Variants in NKAIN2 observed in about 807,000 individuals in gnomAD.
The protein encoded by NKAIN2 is sodium/potassium-transporting ATPase subunit beta-1-interacting protein 2.
A neutral mutation model predicts 32.6 loss-of-function variants in NKAIN2; 14 were observed. The ratio of observed to expected loss-of-function variants is 0.43; its 90% CI spans 0.28 to 0.67. The LOEUF is 0.67. NKAIN2 is among the 30% of genes least tolerant of loss of function. The probability of loss-of-function intolerance (pLI) is 0.17; values close to 1 mark genes in which losing one functional copy is unlikely to be tolerated. For synonymous variants in NKAIN2, 80 were observed against 87.2 expected (o/e 0.92, Z 0.46); for missense variants, 198 against 258.3 (o/e 0.77, Z 1.60).
chr6:123,934,485 G>A (rs1776409223), intron 1 of NKAIN2, among the ~76,000 whole-genome samples: 2 of 152,090 alleles, frequency 1.3e-5, no homozygotes, highest in Admixed American at 6.6e-5. Context: ...TTAGGTTCTA[G>A]CCATTTATTT....
chr6:124,746,921 A>C (rs1479454013), intron 4 of NKAIN2, among the ~76,000 whole-genome samples: 1 of 151,948 alleles, frequency 6.6e-6, no homozygotes, highest in Non-Finnish European at 1.5e-5. Flanking sequence ...ATGAATCAAT[A>C]ATGTACTATT....
intron 1 of NKAIN2, among the ~76,000 whole-genome samples, chr6:124,186,157 G>A (rs868512674): frequency 1.7e-4 from 22 of 129,222 alleles, no homozygotes; most frequent in African/African-American, 6.1e-4. Context: ...GGAAGGAAGG[G>A]AGGGAGGGAG....
intron 3 of NKAIN2, among the ~76,000 whole-genome samples, chr6:124,466,003 G>A (rs896645746): frequency 1.3e-5 from 2 of 152,022 alleles, no homozygotes; most frequent in Admixed American, 6.6e-5. Context: ...AAACTCACAT[G>A]TATCAATATT....
At chr6:123,855,333 A>T (rs1329656559) in intron 1 of NKAIN2, among the ~76,000 whole-genome samples, 1 of 152,222 alleles carries the variant, frequency 6.6e-6, no homozygotes, top group East Asian at 1.9e-4. Flanking sequence ...TCTGACATTT[A>T]GAACCCGGGT....
chr6:124,137,798 A>C (rs1470704785), intron 1 of NKAIN2, among the ~76,000 whole-genome samples: 1 of 152,164 alleles, frequency 6.6e-6, no homozygotes, highest in African/African-American at 2.4e-5. Flanking sequence ...GTGCTGGGAA[A>C]ACTGGCAAGC....
At chr6:123,820,169 C>T (rs987545249) in intron 1 of NKAIN2, among the ~76,000 whole-genome samples, 1 of 152,146 alleles carries the variant, frequency 6.6e-6, no homozygotes, top group African/African-American at 2.4e-5. Context: ...ATGTGCCACC[C>T]ACTGGACTAA....
At chr6:123,985,065 A>G (rs552174453) in intron 1 of NKAIN2, among the ~76,000 whole-genome samples, 10 of 152,240 alleles carry the variant, frequency 6.6e-5, no homozygotes, top group Admixed American at 3.3e-4. Flanking sequence ...GCAATGATGT[A>G]TGTACAAGGT....
intron 1 of NKAIN2, among the ~76,000 whole-genome samples, chr6:124,013,648 A>G (rs1279679427): frequency 1.3e-5 from 2 of 152,210 alleles, no homozygotes; most frequent in African/African-American, 4.8e-5. Flanking sequence ...AAATCTGTGC[A>G]TATGTTACCC....
intron 4 of NKAIN2, among the ~76,000 whole-genome samples, chr6:124,755,702 G>A (rs1777935829): frequency 6.6e-6 from 1 of 152,076 alleles, no homozygotes; most frequent in South Asian, 2.1e-4. Context: ...ACACACTTGT[G>A]CCTACCAGAG....
intron 5 of NKAIN2, among the ~76,000 whole-genome samples, chr6:124,794,507 ACAC>A (rs768536478): frequency 4.6e-5 from 7 of 152,218 alleles, no homozygotes; most frequent in South Asian, 2.1e-4. Context: ...TCTTGACCAC[ACAC>A]CACATCTGCC....
At chr6:123,911,786 T>TAC (rs67583118) in intron 1 of NKAIN2, among the ~76,000 whole-genome samples, 10 of 99,096 alleles carry the variant, frequency 1.0e-4, no homozygotes, top group Non-Finnish European at 1.3e-4. Flanking sequence ...TACATACATA[T>TAC]ATATATATAT....
intron 1 of NKAIN2, among the ~76,000 whole-genome samples, chr6:123,861,743 T>G (rs1775793076): frequency 6.6e-6 from 1 of 152,172 alleles, no homozygotes; most frequent in Non-Finnish European, 1.5e-5. Context: ...CAAGTTTTAT[T>G]TTTTATTTTT....
In NKAIN2 at chr6:124,740,014, GGA is replaced by G. The variant is rs371585431; in HGVS notation, c.475-51320_475-51319del. Among the ~76,000 whole-genome samples, 435 of 151,922 alleles carry G rather than the reference GGA, an allele frequency of 2.9e-3. 1 individual carries two copies. Among genetic ancestry groups the G allele is most frequent in the African/African-American group, 0.01 (429 of 41,502 alleles). ...TGTTTCATCTGAGACAAAGGGGCCT[GGA>G]GAGACACTTGTTTAATGGCTGGTGC... On this transcript the variant is annotated intron_variant, in intron 4 of 6. Coordinates refer to ENST00000368417, the MANE Select transcript of NKAIN2 (RefSeq NM_001040214.3).
At chr6:124,254,677 C>G (rs1291046356) in intron 1 of NKAIN2, among the ~76,000 whole-genome samples, 1 of 152,078 alleles carries the variant, frequency 6.6e-6, no homozygotes, top group East Asian at 1.9e-4. Context: ...ATCATTAAAA[C>G]GACACTAAAA....
chr6:124,697,872 A>T (rs73770540), intron 4 of NKAIN2, among the ~76,000 whole-genome samples: 9,997 of 152,148 alleles, frequency 0.066, 398 homozygotes, highest in African/African-American at 0.11. Flanking sequence ...CACCACATAG[A>T]CTTGAAATCC....
chr6:123,961,315 T>G (rs1777840035), intron 1 of NKAIN2, among the ~76,000 whole-genome samples: 2 of 152,214 alleles, frequency 1.3e-5, no homozygotes, highest in African/African-American at 2.4e-5. Context: ...TATTCCTGAT[T>G]CATTAAATAC....
At chr6:124,084,078 G>T (rs1289506098) in intron 1 of NKAIN2, among the ~76,000 whole-genome samples, 1 of 151,926 alleles carries the variant, frequency 6.6e-6, no homozygotes, top group Non-Finnish European at 1.5e-5. Context: ...AGTGATTTTA[G>T]ATTATCCCAG....
chr6:123,873,866 T>G (rs557996885), intron 1 of NKAIN2, among the ~76,000 whole-genome samples: 2 of 152,334 alleles, frequency 1.3e-5, no homozygotes, highest in Admixed American at 1.3e-4. Flanking sequence ...TAACTATAGG[T>G]AAATGCACGC....
chr6:124,427,023 C>G (rs923670927), intron 3 of NKAIN2, among the ~76,000 whole-genome samples: 2 of 152,054 alleles, frequency 1.3e-5, no homozygotes, highest in African/African-American at 4.8e-5. Flanking sequence ...TTATCAGGAG[C>G]CTGGAAATGG....
Sources: gnomAD v4.1 joint callset for allele counts (sites outside exome capture counted in the v4.1 genomes callset) on GRCh38, gnomAD v4.1.1 for gene constraint, MANE v1.5 for transcripts, NCBI Gene and HGNC (gene_info 2026-07-23, HGNC 2026-07-21) for gene names.